SPSB4: variants seen among roughly 807,000 people sequenced by gnomAD.
SPSB4 encodes SPRY domain-containing SOCS box protein 4.
SPSB4 carries 21 observed loss-of-function variants against 20.9 expected under a neutral mutation model. That is an observed-to-expected ratio of 1.01 (90% CI 0.71 to 1.45). SPSB4 has a LOEUF of 1.45. SPSB4 is among the 40% of genes most tolerant of loss of function. SPSB4 has a pLI of 0.00. For missense variants in SPSB4, 399 were observed against 399.2 expected, an observed-to-expected ratio of 1.00 and a Z score of 0.00; for synonymous variants, 207 against 183.8, an observed-to-expected ratio of 1.13 and a Z score of -1.02.
chr3:141,062,770 T>G (rs1456689006), intron 1 of SPSB4, among the ~76,000 whole-genome samples: 1 of 152,240 alleles, frequency 6.6e-6, no homozygotes, highest in Non-Finnish European at 1.5e-5. Flanking sequence ...TTGCTTTTTT[T>G]GAAGTTTTGT....
intron 2 of SPSB4, among the ~76,000 whole-genome samples, chr3:141,126,329 C>A (rs1375114997): frequency 6.6e-6 from 1 of 152,184 alleles, no homozygotes; most frequent in African/African-American, 2.4e-5. Context: ...CAGGTCCCAG[C>A]CAGCCTTTCA....
At chr3:141,143,118 C>T (rs1291715927) in intron 2 of SPSB4, among the ~76,000 whole-genome samples, 1 of 152,078 alleles carries the variant, frequency 6.6e-6, no homozygotes, top group Non-Finnish European at 1.5e-5. Flanking sequence ...GCTTGGCCCC[C>T]TCTTTGTCTT....
intron 2 of SPSB4, among the ~76,000 whole-genome samples, chr3:141,111,054 AT>A (rs564841124): frequency 6.6e-6 from 1 of 152,312 alleles, no homozygotes; most frequent in Non-Finnish European, 1.5e-5. Flanking sequence ...TTCACCAGCT[AT>A]GTTATCCTAA....
chr3:141,053,879 A>G (rs1369387944), intron 1 of SPSB4, among the ~76,000 whole-genome samples: 1 of 152,156 alleles, frequency 6.6e-6, no homozygotes, highest in East Asian at 1.9e-4. Flanking sequence ...AGGGGTCCTC[A>G]GGTCTGGTAC....
At chr3:141,114,863 A>C (rs1261137081) in intron 2 of SPSB4, among the ~76,000 whole-genome samples, 1 of 152,230 alleles carries the variant, frequency 6.6e-6, no homozygotes, top group Admixed American at 6.5e-5. Flanking sequence ...GTTTTTATGG[A>C]AAAAGTAGAC....
At chr3:141,137,824 G>A (rs1302326596) in intron 2 of SPSB4, among the ~76,000 whole-genome samples, 3 of 152,134 alleles carry the variant, frequency 2.0e-5, no homozygotes, top group Non-Finnish European at 2.9e-5. Flanking sequence ...GACAGGCTTT[G>A]GTATCAGGAT....
chr3:141,106,563 A>G (rs1284103441), intron 2 of SPSB4, among the ~76,000 whole-genome samples: 4 of 152,238 alleles, frequency 2.6e-5, no homozygotes, highest in African/African-American at 9.6e-5. Flanking sequence ...AGCACAGCAG[A>G]AGTAGTTTGT....
intron 2 of SPSB4, among the ~76,000 whole-genome samples, chr3:141,099,543 G>A (rs1044393004): frequency 6.6e-6 from 1 of 152,166 alleles, no homozygotes; most frequent in Non-Finnish European, 1.5e-5. Flanking sequence ...TAAAAATGAT[G>A]AGTCAAGGAA....
At chr3:141,074,225 C>A (rs1441703803) in intron 2 of SPSB4, among the ~76,000 whole-genome samples, 2 of 152,122 alleles carry the variant, frequency 1.3e-5, no homozygotes, top group African/African-American at 2.4e-5. Context: ...TCATTTCATG[C>A]CCAAGCCTTC....
At chr3:141,126,964 A>G (rs1212006451) in intron 2 of SPSB4, among the ~76,000 whole-genome samples, 1 of 152,244 alleles carries the variant, frequency 6.6e-6, no homozygotes, top group Non-Finnish European at 1.5e-5. Flanking sequence ...AGGCTGGGCA[A>G]GGGATGGGAC....
At chr3:141,068,798 G>A (rs139459044) in intron 2 of SPSB4, among the ~76,000 whole-genome samples, 2,521 of 152,300 alleles carry the variant, frequency 0.017, 28 homozygotes, top group South Asian at 0.038. Context: ...GGCTTTATTG[G>A]TTGCCTGGTT....
intron 2 of SPSB4, among the ~76,000 whole-genome samples, chr3:141,131,265 C>T (rs1333262434): frequency 6.6e-6 from 1 of 152,116 alleles, no homozygotes; most frequent in African/African-American, 2.4e-5. Flanking sequence ...CTCCTTCCCC[C>T]TACTTTTTCC....
chr3:141,098,372 A>G (rs1337051608), intron 2 of SPSB4, among the ~76,000 whole-genome samples: 2 of 152,204 alleles, frequency 1.3e-5, no homozygotes, highest in African/African-American at 4.8e-5. Flanking sequence ...ATTTTAATGG[A>G]TAAATGATAT....
At chr3:141,118,268 G>A (rs1286085166) in intron 2 of SPSB4, among the ~76,000 whole-genome samples, 2 of 152,154 alleles carry the variant, frequency 1.3e-5, no homozygotes, top group Admixed American at 1.3e-4. Flanking sequence ...TTTTTCATAT[G>A]TCTGTTGGCT....
chr3:141,135,790 C>T (rs1939218104), intron 2 of SPSB4, among the ~76,000 whole-genome samples: 1 of 151,968 alleles, frequency 6.6e-6, no homozygotes, highest in African/African-American at 2.4e-5. Flanking sequence ...GTGAATAGTG[C>T]CACAATAAAC....
At chr3:141,114,363 C>G (rs1226275993) in intron 2 of SPSB4, among the ~76,000 whole-genome samples, 1 of 152,140 alleles carries the variant, frequency 6.6e-6, no homozygotes, top group Non-Finnish European at 1.5e-5. Flanking sequence ...TGGCACGTGA[C>G]AAATCCTTAA....
At chr3:141,075,892 CAAAA>C (rs532646509) in intron 2 of SPSB4, among the ~76,000 whole-genome samples, 10 of 68,836 alleles carry the variant, frequency 1.5e-4, no homozygotes, top group East Asian at 1.0e-3. Context: ...ACTAAAAATA[CAAAA>C]AAAAAAAAAA....
At chr3:141,081,563 T>C (rs2107786895) in intron 2 of SPSB4, among the ~76,000 whole-genome samples, 1 of 151,370 alleles carries the variant, frequency 6.6e-6, no homozygotes, top group East Asian at 1.9e-4. Context: ...TCAAAGGTCT[T>C]TGGTGGTGGG....
intron 2 of SPSB4, among the ~76,000 whole-genome samples, chr3:141,131,119 T>G (rs1282497990): frequency 6.6e-6 from 1 of 152,168 alleles, no homozygotes; most frequent in Non-Finnish European, 1.5e-5. Context: ...AGGGGCCTGT[T>G]ACGTCATACC....
Sources: gnomAD v4.1 joint callset for allele counts (sites outside exome capture counted in the v4.1 genomes callset) on GRCh38, gnomAD v4.1.1 for gene constraint, MANE v1.5 for transcripts, NCBI Gene and HGNC (gene_info 2026-07-23, HGNC 2026-07-21) for gene names.